GRIP1: variants seen among roughly 807,000 people sequenced by gnomAD.
The protein encoded by GRIP1 is glutamate receptor-interacting protein 1.
In GRIP1, 45 loss-of-function variants were observed where a neutral mutation model predicts 129.9. The observed-to-expected ratio is 0.35, with a 90% CI of 0.27 to 0.44. The LOEUF (loss-of-function observed/expected upper bound fraction) is 0.44, where lower values mean the gene tolerates loss of function less well. Ranked by LOEUF, GRIP1 falls within the 20% of genes least tolerant of loss-of-function variation. The pLI is 1.00. For synonymous variants in GRIP1, 530 were observed against 520.8 expected (o/e 1.02, Z -0.24); for missense variants, 1,196 against 1,396.8 (o/e 0.86, Z 2.29).
rs200688707 is a variant in GRIP1, at chr12:66,406,303, C to T, written c.1964G>A (p.Arg655His). The T allele has an allele frequency of 5.0e-6, 8 of 1,613,946 alleles. No individual in the cohort carries two copies. Among genetic ancestry groups the T allele is most frequent in the Admixed American group, 3.3e-5 (2 of 59,998 alleles). ...AATACCTGAATTATCTTCATCTTTG[C>T]GGATTTTGAGCTTCACCAGGTCTTC... ...QCEDLVKLKI[R>H]KDEDNSDEQE... The change falls in exon 16 of 25, where the codon CGC becomes CAC. Residue 655 changes from arginine to histidine, a missense_variant. Around this residue, in one of 5 missense-constraint regions of GRIP1, gnomAD observed 508 missense variants for 587.0 expected, o/e 0.87. Coordinates refer to ENST00000359742, the MANE Select transcript of GRIP1 (RefSeq NM_001366722.1).
chr12:66,768,663 T>C (rs754043391), intron 1 of GRIP1, among the ~76,000 whole-genome samples: 1 of 152,210 alleles, frequency 6.6e-6, no homozygotes, highest in Non-Finnish European at 1.5e-5. Flanking sequence ...GGATATACTA[T>C]GTAAAATAAA....
intron 1 of GRIP1, among the ~76,000 whole-genome samples, chr12:66,955,887 T>C (rs1343841798): frequency 6.6e-6 from 1 of 152,246 alleles, no homozygotes; most frequent in African/African-American, 2.4e-5. Context: ...ACCTGTTTTA[T>C]TCATTGAGTA....
intron 1 of GRIP1, among the ~76,000 whole-genome samples, chr12:66,629,295 G>A (rs1476524806): frequency 5.3e-5 from 8 of 152,176 alleles, no homozygotes; most frequent in Non-Finnish European, 1.0e-4. Context: ...ACACTTTGCA[G>A]CACATAGTGC....
At chr12:66,465,254 G>A (rs770739774) in intron 8 of GRIP1, 21 bp downstream of exon 8, 1 of 1,610,282 alleles carries the variant, frequency 6.2e-7, no homozygotes, top group Non-Finnish European at 8.5e-7. Context: ...CGGAAAAGTA[G>A]GCACTTTCTA....
At chr12:66,823,314 T>C (rs2039353196) in intron 1 of GRIP1, among the ~76,000 whole-genome samples, 1 of 152,200 alleles carries the variant, frequency 6.6e-6, no homozygotes. Context: ...TGTTATTTGG[T>C]ACATGTTGGT....
intron 1 of GRIP1, among the ~76,000 whole-genome samples, chr12:66,828,613 T>G (rs1427556334): frequency 6.6e-6 from 1 of 152,180 alleles, no homozygotes; most frequent in Admixed American, 6.5e-5. Flanking sequence ...CGATTTACCC[T>G]CATCATTTTT....
chr12:66,971,054 T>A (rs146339708), intron 1 of GRIP1, among the ~76,000 whole-genome samples: 2 of 152,288 alleles, frequency 1.3e-5, no homozygotes. Context: ...AGACCCTTTC[T>A]CAGACTCCTG....
chr12:66,952,812 CA>C (rs1481408971), intron 1 of GRIP1, among the ~76,000 whole-genome samples: 1 of 152,172 alleles, frequency 6.6e-6, no homozygotes, highest in Non-Finnish European at 1.5e-5. Flanking sequence ...TCATAAATTG[CA>C]TACATGATCC....
chr12:66,488,177 T>C (rs572132004), intron 7 of GRIP1, among the ~76,000 whole-genome samples: 101 of 152,318 alleles, frequency 6.6e-4, no homozygotes, highest in Non-Finnish European at 1.2e-3. Flanking sequence ...AGAATATACA[T>C]TCTTCTCATT....
rs398116543 is a variant in GRIP1 at position 66,612,660 on chromosome 12, T to TA, written c.56-15734dup. ...AAACAAACAAACCACAAAACAAAAATAAAAAAAATTTAAATATCTAAATAT... is the reference window on the plus strand; with the variant it reads ...AAACAAACAAACCACAAAACAAAAATAAAAAAAAATTTAAATATCTAAATAT... On this transcript the variant is annotated intron_variant, in intron 1 of 24. Transcript: ENST00000359742. Among the ~76,000 whole-genome samples the TA allele has an allele frequency of 5.8e-4, 44 of 76,470 alleles. 1 individual carries two copies. Among genetic ancestry groups the TA allele is most frequent in the African/African-American group, 2.1e-3 (40 of 19,458 alleles). 50.2% of individuals were successfully genotyped at this position (76,470 alleles called of 152,430 possible).
At chr12:66,780,774 G>T (rs2038132612) in intron 1 of GRIP1, among the ~76,000 whole-genome samples, 2 of 152,126 alleles carry the variant, frequency 1.3e-5, no homozygotes, top group South Asian at 4.1e-4. Flanking sequence ...AAAATGCCAT[G>T]CACTGCCGCT....
intron 1 of GRIP1, among the ~76,000 whole-genome samples, chr12:67,016,296 G>A (rs374647118): frequency 8.5e-5 from 13 of 152,074 alleles, no homozygotes; most frequent in South Asian, 4.2e-4. Flanking sequence ...AAACACACAC[G>A]ACAACAGATA....
chr12:66,705,356 AG>A (rs2035491589), intron 1 of GRIP1, among the ~76,000 whole-genome samples: 1 of 152,116 alleles, frequency 6.6e-6, no homozygotes, highest in South Asian at 2.1e-4. Context: ...AAGGGATATG[AG>A]GAGCCTCTTC....
chr12:66,710,145 A>G (rs2035667910), intron 1 of GRIP1, among the ~76,000 whole-genome samples: 1 of 151,898 alleles, frequency 6.6e-6, no homozygotes, highest in Admixed American at 6.6e-5. Flanking sequence ...AGGAGCTACT[A>G]TGAGTAACCC....
chr12:66,831,457 A>C (rs2039516158), intron 1 of GRIP1, among the ~76,000 whole-genome samples: 1 of 152,208 alleles, frequency 6.6e-6, no homozygotes. Flanking sequence ...AAGAGTCATG[A>C]AGCTCTTCTC....
chr12:66,702,074 G>A (rs1347330597), intron 1 of GRIP1, among the ~76,000 whole-genome samples: 1 of 152,068 alleles, frequency 6.6e-6, no homozygotes, highest in African/African-American at 2.4e-5. Flanking sequence ...CATAAACGAT[G>A]AGAAAAAGGG....
chr12:66,810,955 A>G (rs749221033), intron 1 of GRIP1, among the ~76,000 whole-genome samples: 2 of 152,192 alleles, frequency 1.3e-5, no homozygotes, highest in Non-Finnish European at 2.9e-5. Flanking sequence ...TCGACCCTCC[A>G]TTGGCTACAA....
intron 1 of GRIP1, among the ~76,000 whole-genome samples, chr12:66,698,665 C>A (rs369617399): frequency 2.0e-5 from 3 of 152,252 alleles, no homozygotes; most frequent in Admixed American, 1.3e-4. Context: ...TCTGGCCCCC[C>A]ACCTCCTTTG....
chr12:66,664,394 C>T (rs1050972318), intron 1 of GRIP1, among the ~76,000 whole-genome samples: 5 of 152,150 alleles, frequency 3.3e-5, no homozygotes, highest in African/African-American at 7.2e-5. Context: ...CTCTAACATA[C>T]ATTAGATAAA....
Sources: allele counts gnomAD v4.1 joint callset (sites outside exome capture counted in the v4.1 genomes callset), GRCh38; gene constraint gnomAD v4.1.1; regional missense constraint gnomAD v4.1.1; transcripts MANE v1.5; gene names NCBI Gene and HGNC (gene_info 2026-07-23, HGNC 2026-07-21).